Variants in SYN2 observed in about 807,000 individuals in gnomAD.
SYN2 encodes the protein synapsin-2.
SYN2 carries 19 observed loss-of-function variants against 50.9 expected under a neutral mutation model. That is an observed-to-expected ratio of 0.37 (90% confidence interval 0.26 to 0.55). The LOEUF is 0.55. SYN2 is among the 20% of genes least tolerant of loss of function. SYN2 has a pLI of 0.81. For synonymous variants in SYN2, 255 were observed against 224.9 expected, an observed-to-expected ratio of 1.13 and a Z score of -1.20; for missense variants, 587 against 576.4, an observed-to-expected ratio of 1.02 and a Z score of -0.19.
intron 1 of SYN2, among the ~76,000 whole-genome samples, chr3:12,119,286 A>G (rs905478914): frequency 6.6e-6 from 1 of 151,254 alleles, no homozygotes; most frequent in Non-Finnish European, 1.5e-5. Flanking sequence ...TGCCTGAACT[A>G]TGCCTTTCCT....
At chr3:12,017,559 C>A (rs1174690883) in intron 1 of SYN2, among the ~76,000 whole-genome samples, 3 of 152,150 alleles carry the variant, frequency 2.0e-5, no homozygotes, top group Admixed American at 1.3e-4. Context: ...TGACCTTGAA[C>A]AATTTCTTAT....
chr3:12,046,320 G>A (rs1027065128), intron 1 of SYN2, among the ~76,000 whole-genome samples: 25 of 152,122 alleles, frequency 1.6e-4, no homozygotes, highest in Admixed American at 1.6e-3. Context: ...AATAAGGAGA[G>A]CAACATCCTG....
At chr3:12,138,569 G>T (rs1206667836) in intron 1 of SYN2, among the ~76,000 whole-genome samples, 1 of 152,140 alleles carries the variant, frequency 6.6e-6, no homozygotes, top group Non-Finnish European at 1.5e-5. Context: ...TCTGATTTGG[G>T]CATGTTATTT....
chr3:12,052,389 C>T (rs1694884659), intron 1 of SYN2, among the ~76,000 whole-genome samples: 1 of 151,860 alleles, frequency 6.6e-6, no homozygotes, highest in Non-Finnish European at 1.5e-5. Context: ...AGAATTAATG[C>T]AGTGCCTGAG....
chr3:12,034,654 A>G (rs1359274688), intron 1 of SYN2, among the ~76,000 whole-genome samples: 1 of 152,152 alleles, frequency 6.6e-6, no homozygotes, highest in African/African-American at 2.4e-5. Flanking sequence ...TAGAGGGCCA[A>G]ACTTATCCAT....
chr3:12,152,203 G>C (rs891056236), intron 5 of SYN2, among the ~76,000 whole-genome samples: 1 of 152,114 alleles, frequency 6.6e-6, no homozygotes, highest in Non-Finnish European at 1.5e-5. Flanking sequence ...ATTGTGCATG[G>C]CCCTGCTCAC....
intron 5 of SYN2, among the ~76,000 whole-genome samples, chr3:12,158,369 C>T (rs1363997883): frequency 6.6e-6 from 1 of 152,226 alleles, no homozygotes; most frequent in Admixed American, 6.5e-5. Context: ...CTCCCCTCCC[C>T]TTTCTGTCCC....
At chr3:12,161,651 A>T in intron 6 of SYN2, 43 bp downstream of exon 6, 1 of 1,610,348 alleles carries the variant, frequency 6.2e-7, no homozygotes, top group South Asian at 1.1e-5. Flanking sequence ...TGAACCAAGA[A>T]GGGCAGTTTT....
intron 1 of SYN2, among the ~76,000 whole-genome samples, chr3:12,038,309 T>G (rs1395566625): frequency 6.6e-6 from 1 of 152,212 alleles, no homozygotes; most frequent in South Asian, 2.1e-4. Context: ...TCATATTATC[T>G]TCATTACTGT....
At chr3:12,130,961 A>G (rs1374540378) in intron 1 of SYN2, among the ~76,000 whole-genome samples, 1 of 152,208 alleles carries the variant, frequency 6.6e-6, no homozygotes, top group Admixed American at 6.5e-5. Flanking sequence ...GACCTTGAAG[A>G]ATTATGGCAG....
chr3:12,029,191 A>G (rs2125140604), intron 1 of SYN2, among the ~76,000 whole-genome samples: 1 of 124,886 alleles, frequency 8.0e-6, no homozygotes, highest in South Asian at 2.6e-4. Context: ...AGTTGTAGGT[A>G]TGCGGCGTTA....
chr3:12,015,238 C>T (rs1001772946), intron 1 of SYN2, among the ~76,000 whole-genome samples: 1 of 152,174 alleles, frequency 6.6e-6, no homozygotes, highest in African/African-American at 2.4e-5. Context: ...AAATTATTTC[C>T]ATTTGTGTTA....
chr3:12,049,730 T>C (rs1559399226), intron 1 of SYN2, among the ~76,000 whole-genome samples: 1 of 152,200 alleles, frequency 6.6e-6, no homozygotes, highest in Non-Finnish European at 1.5e-5. Flanking sequence ...GACATTCTTC[T>C]CTTTTATTCA....
At chr3:12,068,952 A>G (rs1417912743) in intron 1 of SYN2, among the ~76,000 whole-genome samples, 3 of 152,178 alleles carry the variant, frequency 2.0e-5, no homozygotes, top group African/African-American at 7.2e-5. Flanking sequence ...TTAGGTCACC[A>G]CTTATCTGCT....
intron 5 of SYN2, chr3:12,154,481 A>G: frequency 6.2e-7 from 1 of 1,611,756 alleles, no homozygotes; most frequent in South Asian, 1.1e-5. Context: ...AGAGTCAAGC[A>G]TCAGGATTCT....
chr3:12,138,188 G>C (rs1319314439), intron 1 of SYN2, among the ~76,000 whole-genome samples: 1 of 152,192 alleles, frequency 6.6e-6, no homozygotes, highest in Non-Finnish European at 1.5e-5. Flanking sequence ...CCAGAAGAGG[G>C]CTCTGTGCCC....
intron 1 of SYN2, among the ~76,000 whole-genome samples, chr3:12,064,138 A>G (rs957582483): frequency 1.3e-5 from 2 of 152,070 alleles, no homozygotes; most frequent in Non-Finnish European, 2.9e-5. Flanking sequence ...CCTCAAACCC[A>G]TAACTCTAAC....
intron 10 of SYN2, among the ~76,000 whole-genome samples, chr3:12,175,253 G>C (rs1311823620): frequency 2.0e-5 from 3 of 152,332 alleles, no homozygotes; most frequent in East Asian, 1.9e-4. Flanking sequence ...TGTTGAGTGA[G>C]TTCACCATTT....
intron 5 of SYN2, among the ~76,000 whole-genome samples, chr3:12,159,641 A>G (rs1298892568): frequency 6.6e-6 from 1 of 152,072 alleles, no homozygotes; most frequent in African/African-American, 2.4e-5. Flanking sequence ...CTTAGGGCAA[A>G]CCTTGGACCT....
Sources: allele counts gnomAD v4.1 joint callset (sites outside exome capture counted in the v4.1 genomes callset), GRCh38; gene constraint gnomAD v4.1.1; transcripts MANE v1.5; gene names NCBI Gene and HGNC (gene_info 2026-07-23, HGNC 2026-07-21).